PIEZO1: variants seen among roughly 807,000 people sequenced by gnomAD.
The protein encoded by PIEZO1 is piezo-type mechanosensitive ion channel component 1.
PIEZO1 carries 296 observed loss-of-function variants against 297.2 expected under a neutral mutation model. The ratio of observed to expected loss-of-function variants is 1.00; its 90% CI spans 0.91 to 1.10. The LOEUF (loss-of-function observed/expected upper bound fraction) is 1.10. PIEZO1 is among the 50% of genes least tolerant of loss of function. The pLI, the probability that PIEZO1 is intolerant of heterozygous loss-of-function variation, is 0.00. For missense variants in PIEZO1, 5,018 were observed against 3,455.5 expected (o/e 1.45, Z -11.34); for synonymous variants, 2,427 against 1,507.5 (o/e 1.61, Z -14.13).
chr16:88,754,698 G>GC, intron 1 of PIEZO1, among the ~76,000 whole-genome samples: 1 of 152,230 alleles, frequency 6.6e-6, no homozygotes, highest in Non-Finnish European at 1.5e-5. Flanking sequence ...AGGATTTTGA[G>GC]CAGGGGGGCT....
chr16:88,766,615 C>A (rs957745276), intron 1 of PIEZO1, among the ~76,000 whole-genome samples: 5 of 152,214 alleles, frequency 3.3e-5, no homozygotes, highest in Admixed American at 1.3e-4. Context: ...AGCTTGACAG[C>A]CAGCTCTGCT....
chr16:88,734,229 G>T, intron 16 of PIEZO1, 127 bp downstream of exon 16: 1 of 1,195,278 alleles, frequency 8.4e-7, no homozygotes, highest in Non-Finnish European at 1.1e-6. Flanking sequence ...CATCCCCTTG[G>T]TATGAGCAAA....
At chr16:88,743,607 T>C (rs1379258388) in intron 2 of PIEZO1, 1 of 456,598 alleles carries the variant, frequency 2.2e-6, no homozygotes, top group Non-Finnish European at 4.4e-6. Flanking sequence ...TGAGCACAAA[T>C]GGTGTTAGGT....
chr16:88,731,692 C>T lies in PIEZO1; in HGVS notation c.3196+14G>A, dbSNP rs992086362. The T allele has an allele frequency of 1.3e-6, 2 of 1,547,000 alleles. No homozygotes were observed. The highest frequency in any genetic ancestry group is 2.5e-5 in the East Asian group (1 of 40,782). ...CCACAAAGCCCACTCCCACCCAAGCCACGTGCCCCTCACCAATGCACAGGG... is the reference window on the plus strand; with the variant it reads ...CCACAAAGCCCACTCCCACCCAAGCTACGTGCCCCTCACCAATGCACAGGG... On this transcript the variant is annotated intron_variant, in intron 22 of 50. Transcript: ENST00000301015.
chr16:88,716,561 C>G lies in PIEZO1; in HGVS notation c.6924G>C (p.Gln2308His). The change falls in exon 47 of 51, where the codon CAG becomes CAC. Residue 2308 changes from glutamine (Q) to histidine (H), a missense_variant and splice_region_variant. By Grantham distance (24) the Gln-to-His change is conservative. Coordinates refer to ENST00000301015, the MANE Select transcript of PIEZO1 (RefSeq NM_001142864.4). ...ACTGCCCCAAGTCCAGGACGAACCT[C>G]TGGAAGTTCCAGGTGAAGCGCAGGG... ...DITLRFTWNF[Q>H]RDLAKGGTVE... 2 of 1,542,598 alleles carry G rather than the reference C, an allele frequency of 1.3e-6. No homozygotes were observed. Among genetic ancestry groups the G allele is most frequent in the Non-Finnish European group, 1.8e-6 (2 of 1,141,772 alleles).
intron 30 of PIEZO1, 21 bp from the exon 31 acceptor site, chr16:88,723,992 G>C (rs1054617351): frequency 1.4e-6 from 2 of 1,424,306 alleles, no homozygotes; most frequent in African/African-American, 1.4e-5. Flanking sequence ...GCAGCACTGA[G>C]AGCCAGCCTT....
chr16:88,781,986 T>C (rs990944320), intron 1 of PIEZO1, among the ~76,000 whole-genome samples: 1 of 152,354 alleles, frequency 6.6e-6, no homozygotes, highest in African/African-American at 2.4e-5. Context: ...CCCACGTGGG[T>C]GTCCCACAGT....
chr16:88,731,782 G>A lies in PIEZO1; in HGVS notation c.3120C>T (p.Asn1040=). ...GGAACAGCGCCAGGAAGAGGCAGTA[G>A]TTGGGCCAGAGGCGGGCAATGGCCT... ...HRQAIARLWP[N]YCLFLALFLL... Residue 1040 remains asparagine, a synonymous_variant, in exon 22 of 51, where the codon AAC becomes AAT. Transcript: ENST00000301015. 1.9e-6 allele frequency: 3 copies of A among 1,549,610 alleles called. No individual in the cohort carries two copies. Among genetic ancestry groups the A allele is most frequent in the Non-Finnish European group, 8.7e-7 (1 of 1,146,770 alleles).
chr16:88,735,726 A>G (rs964668561), intron 12 of PIEZO1, among the ~76,000 whole-genome samples: 1 of 152,270 alleles, frequency 6.6e-6, no homozygotes, highest in Non-Finnish European at 1.5e-5. Context: ...GCACCCTGTG[A>G]ACACATGGCC....
chr16:88,735,119 C>A lies in PIEZO1; in HGVS notation c.1669+16G>T. 1 of 1,549,750 alleles carries A rather than the reference C, an allele frequency of 6.5e-7. No homozygotes were observed. The highest frequency in any genetic ancestry group is 8.7e-7 in the Non-Finnish European group (1 of 1,146,402). On this transcript the variant is annotated intron_variant, in intron 13 of 50. Coordinates refer to ENST00000301015, the MANE Select transcript of PIEZO1 (RefSeq NM_001142864.4). ...GCAGGCAGGAGGGCAACCCCCGCCT[C>A]TGGCCCACCACTCACCTGTGTCTGC... is the stretch of plus-strand genomic sequence containing the variant.
chr16:88,768,002 C>T (rs1320624119), intron 1 of PIEZO1, among the ~76,000 whole-genome samples: 5 of 152,242 alleles, frequency 3.3e-5, no homozygotes, highest in African/African-American at 1.2e-4. Context: ...GAGATTTCCC[C>T]CAGGCCCTCC....
chr16:88,767,481 T>A (rs573955949), intron 1 of PIEZO1, among the ~76,000 whole-genome samples: 61 of 152,074 alleles, frequency 4.0e-4, no homozygotes, highest in Non-Finnish European at 7.6e-4. Flanking sequence ...GCTTTGGAAC[T>A]CCCCCACTGC....
intron 1 of PIEZO1, among the ~76,000 whole-genome samples, chr16:88,766,770 C>G (rs1239962524): frequency 6.6e-6 from 1 of 152,262 alleles, no homozygotes; most frequent in Non-Finnish European, 1.5e-5. Flanking sequence ...GGCTCTTCCC[C>G]AGGATCACCA....
Position 88,720,662 on chromosome 16 carries a change from T to C in PIEZO1, c.5755A>G (p.Arg1919Gly), listed in dbSNP as rs1597444065. The C allele has an allele frequency of 6.5e-7, 1 of 1,547,868 alleles. No homozygotes were observed. Among genetic ancestry groups the C allele is most frequent in the African/African-American group, 1.4e-5 (1 of 72,908 alleles). ...AGCCGCCGCCCGGCCGCCCTTACTC[T>C]TCCTCCAGAGCGGCTTGGCCTCTTC... ...REKRPSRSGGRVRAAGRRLQG... is the reference protein window; with the variant it reads ...REKRPSRSGGGVRAAGRRLQG... Residue 1919 changes from arginine to glycine, a missense_variant, in exon 40 of 51, where the codon AGA (arginine) becomes GGA (glycine). Transcript: ENST00000301015.
intron 1 of PIEZO1, among the ~76,000 whole-genome samples, chr16:88,751,380 C>A (rs574420536): frequency 6.6e-6 from 1 of 152,350 alleles, no homozygotes; most frequent in Admixed American, 6.5e-5. Flanking sequence ...AGAAGCACAG[C>A]CCCTCCCTTC....
intron 1 of PIEZO1, among the ~76,000 whole-genome samples, chr16:88,757,658 T>A (rs117449544): frequency 0.033 from 4,977 of 152,176 alleles, 113 homozygotes; most frequent in Non-Finnish European, 0.051. Context: ...GCCCGAGGGT[T>A]GGAGTCCATG....
rs1301613104 is a variant in PIEZO1 at position 88,716,725 on chromosome 16, T to G, written c.6760A>C (p.Met2254Leu). ...GGGCTGTACTGGCTGATGAACTGCA[T>G]GGCCAGCTGGGTACAAGTGACACCC... The part of the protein sequence containing the change: ...SRQFDPQPLA[M>L]QFISQYSPED... Residue 2254 changes from methionine (M) to leucine (L), a missense_variant, in exon 47 of 51, where the codon ATG (methionine) becomes CTG (leucine). Coordinates refer to ENST00000301015, the MANE Select transcript of PIEZO1 (RefSeq NM_001142864.4). 2 of 1,547,966 alleles carry G rather than the reference T, an allele frequency of 1.3e-6. No homozygotes were observed. Among genetic ancestry groups the G allele is most frequent in the African/African-American group, 2.7e-5 (2 of 73,052 alleles).
At chr16:88,717,887 C>G (rs1205094575) in intron 44 of PIEZO1, 5 of 412,134 alleles carry the variant, frequency 1.2e-5, no homozygotes, top group African/African-American at 2.1e-5. Context: ...CATCCCAGCA[C>G]TTTGAGGTCA....
chr16:88,745,795 AG>A (rs1461154381), intron 2 of PIEZO1: 1 of 150,854 alleles, frequency 6.6e-6, no homozygotes, highest in Non-Finnish European at 1.5e-5. Flanking sequence ...TCCAGCTTGC[AG>A]GGCTCTCAGG....
Sources: allele counts gnomAD v4.1 joint callset (sites outside exome capture counted in the v4.1 genomes callset), GRCh38; gene constraint gnomAD v4.1.1; transcripts MANE v1.5; gene names NCBI Gene and HGNC (gene_info 2026-07-23, HGNC 2026-07-21).